EP400: variants seen among roughly 807,000 people sequenced by gnomAD.
The protein encoded by EP400 is E1A binding protein p400.
Under a neutral mutation model 354.1 loss-of-function variants are expected in EP400, and 105 were observed. That is an observed-to-expected ratio of 0.30 (90% CI 0.25 to 0.35). EP400 has a LOEUF of 0.35. Among genes scored for constraint, EP400 ranks in the 10% least tolerant of loss-of-function variants. The pLI is 1.00. For missense variants in EP400, 3,280 were observed against 4,121.0 expected (o/e 0.80, Z 5.59); for synonymous variants, 1,646 against 1,716.9 (o/e 0.96, Z 1.02).
chr12:131,986,856 CATT>C, intron 6 of EP400, 49 bp downstream of exon 6: 2 of 1,543,300 alleles, frequency 1.3e-6, no homozygotes, highest in Middle Eastern at 1.7e-4. Flanking sequence ...TGGTGAAGCA[CATT>C]TAGTTTTAAT....
chr12:131,994,777 A>G lies in EP400; in HGVS notation c.2738-90A>G. The G allele has an allele frequency of 9.2e-7, 1 of 1,083,972 alleles. No individual in the cohort carries two copies. The highest frequency in any genetic ancestry group is 1.6e-5 in the African/African-American group (1 of 62,462). The allele number at this position is 1,083,972 out of a possible 1,614,324, so 67.1% of individuals were successfully genotyped here. The stretch of plus-strand genomic sequence containing the variant: ...GTTTCAATTTCTGTAATAGCTATGC[A>G]AAATAATTTCGAAGCCTTATAGTGT... On this transcript the variant is annotated intron_variant, in intron 11 of 52. Transcript: ENST00000389561. This position sits in a 1 kb window ranked among gnomAD's most constrained non-coding sequence, Gnocchi z 4.6.
At chr12:131,956,830 T>G in intron 1 of EP400, among the ~76,000 whole-genome samples, 1 of 151,984 alleles carries the variant, frequency 6.6e-6, no homozygotes, top group Admixed American at 6.6e-5. Flanking sequence ...CTAAGCTGGT[T>G]AAGTACATGC....
In EP400 at chr12:131,995,868, G is replaced by A. The variant is rs1442938747; in HGVS notation, c.2827+912G>A. Among the ~76,000 whole-genome samples, 9 of 149,768 alleles carry A rather than the reference G, an allele frequency of 6.0e-5. No individual in the cohort carries two copies. In the East Asian group the frequency reaches 1.6e-3, roughly 26 times the overall value. ...TCCTGAGTGTGTGAGAACTTCATACGAACGAATCCCACCACAGCTTGACTG... is the reference window on the plus strand; with the variant it reads ...TCCTGAGTGTGTGAGAACTTCATACAAACGAATCCCACCACAGCTTGACTG... On this transcript the variant is annotated intron_variant, in intron 12 of 52. Transcript: ENST00000389561.
chr12:132,031,560 G>A (rs1894498281), intron 29 of EP400, among the ~76,000 whole-genome samples: 1 of 152,090 alleles, frequency 6.6e-6, no homozygotes, highest in Non-Finnish European at 1.5e-5. Context: ...GTTTTGCTAT[G>A]GGATAATTTC....
rs868268128 is a variant in EP400 at position 132,013,160 on chromosome 12, C to T, written c.3593C>T (p.Ala1198Val). The stretch of plus-strand genomic sequence containing the variant: ...GGCATGACCGAGAGGCACTGGGAAG[C>T]GGTTTTCACCCTGCAGAGGTCTGTG... ...VKGMTERHWE[A>V]VFTLQSQQRL... is the part of the protein sequence containing the mutation. The change falls in exon 17 of 53, where the codon GCG (alanine) becomes GTG (valine). Residue 1198 changes from alanine to valine, a missense_variant. By Grantham distance (64) the Ala-to-Val change is moderately conservative. Transcript: ENST00000389561. This position sits in a 1 kb window ranked among gnomAD's most constrained non-coding sequence, Gnocchi z 4.5. 2 of 1,613,448 alleles carry T rather than the reference C, an allele frequency of 1.2e-6. No homozygotes were observed. Among genetic ancestry groups the T allele is most frequent in the Non-Finnish European group, 1.7e-6 (2 of 1,179,588 alleles).
In EP400 at chr12:132,017,691, C is replaced by A. The variant is rs1177917162; in HGVS notation, c.4080C>A (p.Ile1360=). ...GPLEYPSASL[I]LKALERDFWK... ...TGGAGTATCCGTCCGCATCTCTAAT[C>A]CTGAAGGCACTGGAGAGAGATTTCT... Residue 1360 remains isoleucine (I), a synonymous_variant, in exon 20 of 53, where the codon ATC becomes ATA. Coordinates refer to ENST00000389561, the MANE Select transcript of EP400 (RefSeq NM_015409.5). The surrounding 1 kb of genome is among the most constrained non-coding windows in gnomAD (Gnocchi z 5.0). 6 of 1,549,248 alleles carry A rather than the reference C, an allele frequency of 3.9e-6. No individual in the cohort carries two copies. In the South Asian group the frequency reaches 7.3e-5, roughly 19 times the overall value.
rs750968524 is a variant in EP400 at position 132,044,768 on chromosome 12, C to A, written c.6631-32C>A. 10 of 1,614,020 alleles carry A rather than the reference C, an allele frequency of 6.2e-6. No homozygotes were observed. The East Asian group carries it at 2.0e-4, about 32-fold the overall frequency. ...TGTGTGGGCAGCTTCCTGTGAGTTC[C>A]ACATCTCATGGGCCTTCCCTTCTCC... On this transcript the variant is annotated intron_variant, in intron 36 of 52. Coordinates refer to ENST00000389561, the MANE Select transcript of EP400 (RefSeq NM_015409.5).
rs1310707333 is a variant in EP400 at position 132,027,327 on chromosome 12, T to C, written c.5015-110T>C. ...TGGGGACATGCCGTTGCAGAATGAC[T>C]TTCTGTGGAGTGTGCTGGTGGAGGG... On this transcript the variant is annotated intron_variant, in intron 25 of 52. Coordinates refer to ENST00000389561, the MANE Select transcript of EP400 (RefSeq NM_015409.5). The surrounding 1 kb of genome is among the most constrained non-coding windows in gnomAD (Gnocchi z 4.9). The C allele has an allele frequency of 9.2e-7, 1 of 1,087,044 alleles. No individual in the cohort carries two copies. The highest frequency in any genetic ancestry group is 1.9e-5 in the Admixed American group (1 of 52,926). 67.3% of individuals were successfully genotyped at this position (1,087,044 alleles called of 1,614,324 possible).
rs758492452 is a variant in EP400, at chr12:131,989,936, A to G, written c.2410-28A>G. The G allele has an allele frequency of 7.4e-6, 12 of 1,612,268 alleles. No individual in the cohort carries two copies. The South Asian group carries it at 1.1e-4, about 15-fold the overall frequency. On this transcript the variant is annotated intron_variant, in intron 7 of 52. Coordinates refer to ENST00000389561, the MANE Select transcript of EP400 (RefSeq NM_015409.5). ...TTTCCAGCATGACATAGAGTACAAC[A>G]TACAATTCTTGCACTTTTATTCACC...
intron 45 of EP400, among the ~76,000 whole-genome samples, chr12:132,056,193 C>T (rs1895509682): frequency 6.6e-6 from 1 of 152,026 alleles, no homozygotes; most frequent in East Asian, 1.9e-4. Flanking sequence ...TCTCGATTTT[C>T]CAAATAGTTC....
At chr12:132,065,357 A>ACCACCG in intron 48 of EP400, 2 of 163,096 alleles carry the variant, frequency 1.2e-5, no homozygotes, top group Admixed American at 5.8e-5. Context: ...GCTGTCTGGG[A>ACCACCG]AGACTGGCTC....
chr12:131,989,634 G>A (rs544336010), intron 7 of EP400, among the ~76,000 whole-genome samples: 11 of 152,162 alleles, frequency 7.2e-5, no homozygotes, highest in Non-Finnish European at 1.6e-4. Flanking sequence ...ATGAGATGCC[G>A]ACCCATGTTT....
rs58651614 is a variant in EP400, at chr12:132,058,791, C to CTT, written c.7885-3305_7885-3304dup. On this transcript the variant is annotated intron_variant, in intron 45 of 52. Coordinates refer to ENST00000389561, the MANE Select transcript of EP400 (RefSeq NM_015409.5). ...GGCTAAGGAGAAAAACGATTTCTTC[C>CTT]TTTTTTTTTTTTTTTGCGACAGCAT... Among the ~76,000 whole-genome samples the CTT allele has an allele frequency of 3.2e-3, 438 of 139,046 alleles. 8 individuals carry two copies. Among genetic ancestry groups the CTT allele is most frequent in the African/African-American group, 0.011 (402 of 38,114 alleles). The allele number at this position is 139,046 out of a possible 152,430, so 91.2% of individuals were successfully genotyped here. A position where few individuals can be genotyped will look rare whatever the true frequency, so the allele number is the denominator to read the frequency against.
chr12:132,043,801 T>C, intron 34 of EP400, 73 bp downstream of exon 34: 1 of 1,309,984 alleles, frequency 7.6e-7, no homozygotes, highest in East Asian at 2.4e-5. Context: ...TTGAAGTAAA[T>C]GTGACTTCAT....
chr12:132,042,729 TC>T (rs1894956027), intron 32 of EP400, among the ~76,000 whole-genome samples: 1 of 152,254 alleles, frequency 6.6e-6, no homozygotes, highest in Non-Finnish European at 1.5e-5. Context: ...AGATGTGTGT[TC>T]CTAGCTGTTT....
intron 22 of EP400, among the ~76,000 whole-genome samples, chr12:132,020,522 A>G (rs150935640): frequency 2.0e-5 from 3 of 152,336 alleles, no homozygotes; most frequent in African/African-American, 7.2e-5. Context: ...GTCGTCTAGG[A>G]GACTCCTGAG....
chr12:132,047,001 C>CA (rs1486245400), intron 39 of EP400, among the ~76,000 whole-genome samples: 1 of 152,238 alleles, frequency 6.6e-6, no homozygotes, highest in Non-Finnish European at 1.5e-5. Context: ...TAGAGGCAGG[C>CA]ATCCAGTACT....
chr12:132,036,469 C>T (rs897892696), intron 30 of EP400, among the ~76,000 whole-genome samples: 18 of 152,218 alleles, frequency 1.2e-4, no homozygotes, highest in Admixed American at 2.0e-4. Context: ...CACGGAACGT[C>T]GTGGAAGCAC....
chr12:131,964,620 G>A (rs971554534), intron 2 of EP400, among the ~76,000 whole-genome samples: 5 of 152,098 alleles, frequency 3.3e-5, no homozygotes, highest in African/African-American at 9.7e-5. Context: ...CATAATAGTT[G>A]CAATTAATTA....
Sources: allele counts gnomAD v4.1 joint callset (sites outside exome capture counted in the v4.1 genomes callset), GRCh38; gene constraint gnomAD v4.1.1; non-coding constraint Gnocchi (gnomAD v3.1); transcripts MANE v1.5; gene names NCBI Gene and HGNC (gene_info 2026-07-23, HGNC 2026-07-21).